Variants in WIZ observed in about 807,000 individuals in gnomAD.
WIZ encodes WIZ zinc finger, also known as protein Wiz.
A neutral mutation model predicts 140.2 loss-of-function variants in WIZ; 25 were observed. That is an observed-to-expected ratio of 0.18 (90% CI 0.13 to 0.25). The LOEUF (loss-of-function observed/expected upper bound fraction) is 0.25. Among genes scored for constraint, WIZ ranks in the 10% least tolerant of loss-of-function variants. The pLI is 1.00. For synonymous variants in WIZ, 1,125 were observed against 1,154.3 expected, an observed-to-expected ratio of 0.97 and a Z score of 0.51; for missense variants, 2,231 against 2,632.6, an observed-to-expected ratio of 0.85 and a Z score of 3.34.
chr19:15,448,391 C>T (rs1969993588), intron 1 of WIZ, 24 bp from the exon 2 acceptor site: 2 of 1,523,024 alleles, frequency 1.3e-6, no homozygotes, highest in Admixed American at 3.9e-5. Flanking sequence ...GAAGGAAGTG[C>T]TTAGGGGATG....
chr19:15,430,410 A>G (rs1339825159), intron 6 of WIZ, among the ~76,000 whole-genome samples: 1 of 152,180 alleles, frequency 6.6e-6, no homozygotes, highest in African/African-American at 2.4e-5. Context: ...CAACAGGTTC[A>G]CACAAACGCT....
At position 15,439,519 on chromosome 19, in the gene WIZ, C is replaced by G; in HGVS notation, c.1475G>C (p.Trp492Ser). The change falls in exon 4 of 13, where the codon TGG (tryptophan) becomes TCG (serine). Residue 492 changes from tryptophan to serine, a missense_variant. Trp to Ser is a radical substitution (Grantham distance 177). Around this residue, in one of 15 missense-constraint regions of WIZ, gnomAD observed 475 missense variants for 520.2 expected, o/e 0.91. Transcript: ENST00000673675. The surrounding 1 kb of genome is among the most constrained non-coding windows in gnomAD (Gnocchi z 7.0). ...HVRLVHAHPH[W>S]EEDGEAYEED... is the part of the protein sequence containing the mutation. ...CTCATAAGCCTCGCCATCCTCCTCC[C>G]AGTGGGGATGGGCATGCACCAGCCT... is the stretch of plus-strand genomic sequence containing the variant. The G allele has an allele frequency of 6.5e-7, 1 of 1,533,670 alleles. No individual in the cohort carries two copies.
At chr19:15,434,226 C>T (rs1355473941) in intron 5 of WIZ, among the ~76,000 whole-genome samples, 2 of 148,162 alleles carry the variant, frequency 1.3e-5, no homozygotes, top group Admixed American at 6.8e-5. Context: ...CCACTGCACT[C>T]CAGCTTGGGC....
chr19:15,442,233 A>G lies in WIZ; in HGVS notation c.278+443T>C, dbSNP rs1969772343. ...ATGACTTATTAGCACCTGCCAAGCC[A>G]TTTAATAAAGAGTAGGGACCATCAG... is the stretch of plus-strand genomic sequence containing the variant. On this transcript the variant is annotated intron_variant, in intron 3 of 12. Transcript: ENST00000673675. This position sits in a 1 kb window ranked among gnomAD's most constrained non-coding sequence, Gnocchi z 5.5. Among the ~76,000 whole-genome samples, 1 of 151,306 alleles carries G rather than the reference A, an allele frequency of 6.6e-6. No homozygotes were observed.
chr19:15,422,955 CG>C lies in WIZ; in HGVS notation c.*120del, dbSNP rs1368417436. 3.5e-6 allele frequency: 5 copies of C among 1,432,218 alleles called. No homozygotes were observed. In the African/African-American group the frequency reaches 7.1e-5, roughly 20 times the overall value. 88.7% of individuals were successfully genotyped at this position (1,432,218 alleles called of 1,614,324 possible). On this transcript the variant is annotated 3_prime_UTR_variant, in exon 13 of 13. Coordinates refer to ENST00000673675, the MANE Select transcript of WIZ (RefSeq NM_001371589.1). ...AGTGTGCCCGGCCCCCAAGGGGCGC[CG>C]GTTTGAGGTTTTGGCTTGCTCCTTT...
intron 2 of WIZ, among the ~76,000 whole-genome samples, chr19:15,447,139 C>T (rs189334418): frequency 3.3e-4 from 50 of 152,288 alleles, no homozygotes; most frequent in African/African-American, 7.9e-4. Flanking sequence ...AGCCTTGGCA[C>T]GGAGGAAGCC....
At chr19:15,445,452 C>T (rs1969885072) in intron 2 of WIZ, among the ~76,000 whole-genome samples, 1 of 152,052 alleles carries the variant, frequency 6.6e-6, no homozygotes, top group Non-Finnish European at 1.5e-5. Context: ...AGAGAAGTGG[C>T]GGTGGAGGGG....
At chr19:15,433,257 G>A (rs1445898357) in intron 5 of WIZ, 1 of 985,330 alleles carries the variant, frequency 1.0e-6, no homozygotes, top group African/African-American at 1.7e-5. Flanking sequence ...AACCCCACAA[G>A]GCCGGCAACA....
At position 15,421,747 on chromosome 19, in the gene WIZ, T is replaced by G. The variant is rs1968384572; in HGVS notation, c.*1329A>C. Reference sequence around the variant, plus strand: ...CACCCAAATGCTCCCAACGGGTCCCTGACACCCTCGCTGGTAGCTCCTGCC... The same window carrying G: ...CACCCAAATGCTCCCAACGGGTCCCGGACACCCTCGCTGGTAGCTCCTGCC... On this transcript the variant is annotated 3_prime_UTR_variant, in exon 13 of 13. Transcript: ENST00000673675. 1.3e-5 allele frequency: 2 copies of G among 152,246 alleles called. No individual in the cohort carries two copies. Among genetic ancestry groups the G allele is most frequent in the Admixed American group, 1.3e-4 (2 of 15,280 alleles). The allele number at this position is 152,246 out of a possible 1,614,324, so 9.4% of individuals were successfully genotyped here.
At position 15,439,655 on chromosome 19, in the gene WIZ, G is replaced by A. The variant is rs943784940; in HGVS notation, c.1339C>T (p.Pro447Ser). The A allele has an allele frequency of 1.3e-6, 2 of 1,500,576 alleles. No homozygotes were observed. The highest frequency in any genetic ancestry group is 1.8e-6 in the Non-Finnish European group (2 of 1,131,150). 93.0% of individuals were successfully genotyped at this position (1,500,576 alleles called of 1,614,324 possible). A position where few individuals can be genotyped will look rare whatever the true frequency, so the allele number is the denominator to read the frequency against. ...TGATAGAGGAGGGCGCTGGCCTCAG[G>A]GCTGGGGCTGCCAGCCCCGCTGCTG... ...GGSSGAGSPS[P>S]EASALLYQPY... The change falls in exon 4 of 13, where the codon CCT becomes TCT. Residue 447 changes from proline to serine, a missense_variant. Around this residue, in one of 15 missense-constraint regions of WIZ, gnomAD observed 475 missense variants for 520.2 expected, o/e 0.91. Transcript: ENST00000673675. This position sits in a 1 kb window ranked among gnomAD's most constrained non-coding sequence, Gnocchi z 7.0.
At chr19:15,437,172 A>ACTCCCCAGCCCCAACCC in intron 4 of WIZ, 43 bp from the exon 5 acceptor site, 1 of 1,499,686 alleles carries the variant, frequency 6.7e-7, no homozygotes, top group Non-Finnish European at 9.0e-7. Context: ...AGAGGGGGCT[A>ACTCCCCAGCCCCAACCC]CTCCCCAGCC....
Position 15,439,157 on chromosome 19 carries a change from A to G in WIZ, c.1837T>C (p.Trp613Arg). The change falls in exon 4 of 13, where the codon TGG (tryptophan) becomes CGG (arginine). Residue 613 changes from tryptophan to arginine, a missense_variant. Trp to Arg is a moderately radical substitution (Grantham distance 101). This residue lies in a region of WIZ where 475 missense variants were observed against 520.2 expected (regional missense o/e 0.91). Transcript: ENST00000673675. This position sits in a 1 kb window ranked among gnomAD's most constrained non-coding sequence, Gnocchi z 7.0. Reference protein sequence around the residue: ...PQGLGERRRPWSEEEEEEEEE... With the variant: ...PQGLGERRRPRSEEEEEEEEE... ...TCCTCCTCCTCCTCCTCTTCGCTCCAAGGGCGCCTCCGTTCCCCCAGCCCT... is the reference window on the plus strand; with the variant it reads ...TCCTCCTCCTCCTCCTCTTCGCTCCGAGGGCGCCTCCGTTCCCCCAGCCCT... The G allele has an allele frequency of 6.5e-7, 1 of 1,529,872 alleles. No homozygotes were observed. 94.8% of individuals were successfully genotyped at this position (1,529,872 alleles called of 1,614,324 possible). A position where few individuals can be genotyped will look rare whatever the true frequency, so the allele number is the denominator to read the frequency against.
chr19:15,445,484 G>C (rs771584496), intron 2 of WIZ, among the ~76,000 whole-genome samples: 2 of 152,178 alleles, frequency 1.3e-5, no homozygotes, highest in Non-Finnish European at 2.9e-5. Flanking sequence ...TGGGAGGCCT[G>C]GGGGATCAGG....
At chr19:15,426,868 A>T in intron 9 of WIZ, 114 bp downstream of exon 9, 3 of 1,258,678 alleles carry the variant, frequency 2.4e-6, no homozygotes, top group Non-Finnish European at 3.3e-6. Flanking sequence ...TGTCCTCTCT[A>T]CCTGCGTGTC....
chr19:15,436,932 TG>T lies in WIZ; in HGVS notation c.2613del (p.Ser872AlafsTer15). 1 of 1,613,328 alleles carries T rather than the reference TG, an allele frequency of 6.2e-7. No individual in the cohort carries two copies. Among genetic ancestry groups the T allele is most frequent in the Non-Finnish European group, 8.5e-7 (1 of 1,179,670 alleles). ...CCCCCAGGCTCTCGGCCCAGGGGGC[TG>T]GGGGGCTGCTCAGCAGCAGAGGTGG... is the stretch of plus-strand genomic sequence containing the variant. The part of the protein sequence containing the change: ...LLATSAAEQP[P>X]SPLGREPGGP... On this transcript the variant is annotated frameshift_variant, in exon 5 of 13. Transcript: ENST00000673675. LOFTEE classifies it high-confidence loss of function.
In WIZ at chr19:15,440,996, C is replaced by A. The variant is rs1050043181; in HGVS notation, c.279-281G>T. Among the ~76,000 whole-genome samples the A allele has an allele frequency of 1.3e-5, 2 of 152,128 alleles. No homozygotes were observed. The highest frequency in any genetic ancestry group is 4.8e-5 in the African/African-American group (2 of 41,396). On this transcript the variant is annotated intron_variant, in intron 3 of 12. Coordinates refer to ENST00000673675, the MANE Select transcript of WIZ (RefSeq NM_001371589.1). This position sits in a 1 kb window ranked among gnomAD's most constrained non-coding sequence, Gnocchi z 6.2. Reference sequence around the variant, plus strand: ...GTACGGAGACCACCCCTGGGCCACACGGGGATGTGGCCACCTCTAAGAAGT... The same window carrying A: ...GTACGGAGACCACCCCTGGGCCACAAGGGGATGTGGCCACCTCTAAGAAGT...
chr19:15,435,383 T>C (rs1469165435), intron 5 of WIZ, among the ~76,000 whole-genome samples: 3 of 152,126 alleles, frequency 2.0e-5, no homozygotes, highest in Admixed American at 6.5e-5. Flanking sequence ...GGCAGGAGGA[T>C]TGCTTGAGCC....
rs558160369 is a variant in WIZ at position 15,439,365 on chromosome 19, G to A, written c.1629C>T (p.Tyr543=). 5.9e-4 allele frequency: 900 copies of A among 1,533,464 alleles called. 1 individual carries two copies. The highest frequency in any genetic ancestry group is 1.1e-3 in the African/African-American group (78 of 73,106). 95.0% of individuals were successfully genotyped at this position (1,533,464 alleles called of 1,614,324 possible). The change falls in exon 4 of 13, where the codon TAC becomes TAT. Residue 543 remains tyrosine (Y), a synonymous_variant. Transcript: ENST00000673675. This position sits in a 1 kb window ranked among gnomAD's most constrained non-coding sequence, Gnocchi z 7.0. ...CTGGGCCAAAGGCCAGGCTGGGGTC[G>A]TATCCAGCAGGGTTCTCCCGCCACA... The part of the protein sequence containing the change: ...APMWRENPAG[Y]DPSLAFGPGC...
chr19:15,427,570 G>T lies in WIZ; in HGVS notation c.3815-37C>A, dbSNP rs755982520. The T allele has an allele frequency of 1.3e-6, 2 of 1,572,104 alleles. No homozygotes were observed. The highest frequency in any genetic ancestry group is 1.7e-6 in the Non-Finnish European group (2 of 1,158,040). ...GGAGAAAGGGGCAGTTAGCATCGTGGAACTGCCAGCATGGTCACCTGCAGG... is the reference window on the plus strand; with the variant it reads ...GGAGAAAGGGGCAGTTAGCATCGTGTAACTGCCAGCATGGTCACCTGCAGG... On this transcript the variant is annotated intron_variant, in intron 8 of 12. Transcript: ENST00000673675. The surrounding 1 kb of genome is among the most constrained non-coding windows in gnomAD (Gnocchi z 6.4).
Sources: allele counts gnomAD v4.1 joint callset (sites outside exome capture counted in the v4.1 genomes callset), GRCh38; gene constraint gnomAD v4.1.1; regional missense constraint gnomAD v4.1.1; non-coding constraint Gnocchi (gnomAD v3.1); transcripts MANE v1.5; gene names NCBI Gene and HGNC (gene_info 2026-07-23, HGNC 2026-07-21).